The following OXNAD1 variants were observed in gnomAD, a reference collection of about 807,000 sequenced individuals.
OXNAD1 encodes oxidoreductase NAD binding domain containing 1.
Under a neutral mutation model 32.9 loss-of-function variants are expected in OXNAD1, and 34 were observed. The observed-to-expected ratio is 1.03, with a 90% CI of 0.79 to 1.38. The LOEUF (loss-of-function observed/expected upper bound fraction) is 1.38, where lower values mean the gene tolerates loss of function less well. OXNAD1 is among the 40% of genes most tolerant of loss of function. OXNAD1 has a pLI of 0.00. For missense variants in OXNAD1, 407 were observed against 379.4 expected, an observed-to-expected ratio of 1.07 and a Z score of -0.60; for synonymous variants, 134 against 135.2, an observed-to-expected ratio of 0.99 and a Z score of 0.06.
rs934851961 is a variant in OXNAD1, at chr3:16,316,596, C to T, written c.*30+13004C>T. ...GCCATGAGGGCTAGAATAACCTGAC[C>T]TCTTGCATTCTAACACTGGGTCATT... On this transcript the variant is annotated intron_variant, in intron 9 of 9. Coordinates refer to the OXNAD1 transcript ENST00000435829. This position sits in a 1 kb window ranked among gnomAD's most constrained non-coding sequence, Gnocchi z 4.5. 4 of 599,392 alleles carry T rather than the reference C, an allele frequency of 6.7e-6. No homozygotes were observed. The Admixed American group carries it at 9.0e-5, about 13-fold the overall frequency. The allele number at this position is 599,392 out of a possible 1,614,324, so 37.1% of individuals were successfully genotyped here. A position where few individuals can be genotyped will look rare whatever the true frequency, so the allele number is the denominator to read the frequency against.
downstream of OXNAD1, among the ~76,000 whole-genome samples, chr3:16,310,589 ATATCTC>A (rs1257903236): frequency 6.6e-6 from 1 of 152,178 alleles, no homozygotes; most frequent in East Asian, 1.9e-4. Flanking sequence ...GGATGAATGA[ATATCTC>A]TACTCTTTCT....
At chr3:16,319,682 C>T (rs1266789641) in intron 9 of OXNAD1, among the ~76,000 whole-genome samples, 1 of 152,210 alleles carries the variant, frequency 6.6e-6, no homozygotes, top group South Asian at 2.1e-4. Flanking sequence ...TAGAAGATCA[C>T]ATCTTGTTGA....
chr3:16,318,835 C>T (rs566062598), intron 9 of OXNAD1, among the ~76,000 whole-genome samples: 1 of 152,340 alleles, frequency 6.6e-6, no homozygotes, highest in Admixed American at 6.5e-5. Context: ...TGACAGACTT[C>T]CCTTAGGAGA....
chr3:16,348,497 G>A lies in OXNAD1; in HGVS notation c.*31-679G>A, dbSNP rs1390375174. ...CTTGACTTGCCAATACCCAGCTGGA[G>A]CCCACTGTGTCCAGGAGGCCTTGTT... is the stretch of plus-strand genomic sequence containing the variant. On this transcript the variant is annotated intron_variant, in intron 9 of 9. Transcript: ENST00000606098. This position sits in a 1 kb window ranked among gnomAD's most constrained non-coding sequence, Gnocchi z 6.3. Among the ~76,000 whole-genome samples the A allele has an allele frequency of 6.6e-6, 1 of 152,122 alleles. No individual in the cohort carries two copies. The highest frequency in any genetic ancestry group is 1.5e-5 in the Non-Finnish European group (1 of 68,032).
chr3:16,297,282 T>G lies in OXNAD1; in HGVS notation c.432+2285T>G, dbSNP rs2066865455. 6.6e-6 allele frequency among the ~76,000 whole-genome samples: 1 copy of G among 152,310 alleles called. No individual in the cohort carries two copies. Among genetic ancestry groups the G allele is most frequent in the Non-Finnish European group, 1.5e-5 (1 of 68,026 alleles). On this transcript the variant is annotated intron_variant, in intron 6 of 8. Coordinates refer to ENST00000285083, the MANE Select transcript of OXNAD1 (RefSeq NM_138381.5). The surrounding 1 kb of genome is among the most constrained non-coding windows in gnomAD (Gnocchi z 4.3). ...GAGGGAAATGTAAATTAAAACCATA[T>G]GTGGTGGGATGCCACTACGATCTAG...
chr3:16,292,431 G>A (rs2066495864), intron 5 of OXNAD1, among the ~76,000 whole-genome samples: 1 of 152,084 alleles, frequency 6.6e-6, no homozygotes, highest in Admixed American at 6.6e-5. Flanking sequence ...GACCTCAGGT[G>A]ATCCACCCAC....
In OXNAD1 at chr3:16,330,056, C is replaced by T. The variant is rs191804558; in HGVS notation, c.*31-7056C>T. Among the ~76,000 whole-genome samples the T allele has an allele frequency of 4.6e-5, 7 of 152,328 alleles. No individual in the cohort carries two copies. In the East Asian group the frequency reaches 9.7e-4, roughly 21 times the overall value. On this transcript the variant is annotated intron_variant, in intron 9 of 9. Transcript: ENST00000435829. Reference sequence around the variant, plus strand: ...AAAAATCAGCAGGATTTCTCCCAAACATTTTTTCCCCCTCAGGGTAGGAGA... The same window carrying T: ...AAAAATCAGCAGGATTTCTCCCAAATATTTTTTCCCCCTCAGGGTAGGAGA...
At position 16,335,776 on chromosome 3, in the gene OXNAD1, TAAAAAAAA is replaced by T. The variant is rs540104859; in HGVS notation, c.*31-1324_*31-1317del. On this transcript the variant is annotated intron_variant, in intron 9 of 9. Transcript: ENST00000435829. This position sits in a 1 kb window ranked among gnomAD's most constrained non-coding sequence, Gnocchi z 4.7. ...ATCCTGCACTTGCACCCTGGAACTT[TAAAAAAAA>T]AAAAAAAAAAAGGAGTTTGATCACA... 7.3e-6 allele frequency among the ~76,000 whole-genome samples: 1 copy of T among 136,646 alleles called. No homozygotes were observed. The highest frequency in any genetic ancestry group is 1.6e-5 in the Non-Finnish European group (1 of 62,552). 89.6% of individuals were successfully genotyped at this position (136,646 alleles called of 152,430 possible).
intron 9 of OXNAD1, among the ~76,000 whole-genome samples, chr3:16,330,345 T>C (rs2070187489): frequency 6.6e-6 from 1 of 152,250 alleles, no homozygotes; most frequent in African/African-American, 2.4e-5. Context: ...CGTTTGCATA[T>C]TTATCAATAT....
downstream of OXNAD1, among the ~76,000 whole-genome samples, chr3:16,306,586 A>G (rs2067578422): frequency 6.6e-6 from 1 of 152,286 alleles, no homozygotes; most frequent in East Asian, 1.9e-4. Context: ...CACCCCCTAC[A>G]CATATACATG....
rs1204729709 is a variant in OXNAD1 at position 16,303,731 on chromosome 3, T to C, written c.*169T>C. 2.9e-6 allele frequency: 2 copies of C among 691,760 alleles called. No homozygotes were observed. The highest frequency in any genetic ancestry group is 4.4e-6 in the Non-Finnish European group (2 of 453,930). 42.9% of individuals were successfully genotyped at this position (691,760 alleles called of 1,614,324 possible). A position where few individuals can be genotyped will look rare whatever the true frequency, so the allele number is the denominator to read the frequency against. Reference sequence around the variant, plus strand: ...AAAGCCAGCTGGCAGACTTAAATGATAAACTTTTTGCAAAGACCTCAGTGA... The same window carrying C: ...AAAGCCAGCTGGCAGACTTAAATGACAAACTTTTTGCAAAGACCTCAGTGA... On this transcript the variant is annotated 3_prime_UTR_variant, in exon 9 of 9. Coordinates refer to ENST00000285083, the MANE Select transcript of OXNAD1 (RefSeq NM_138381.5). This position sits in a 1 kb window ranked among gnomAD's most constrained non-coding sequence, Gnocchi z 4.8.
chr3:16,286,734 G>A (rs1457946825), intron 5 of OXNAD1, among the ~76,000 whole-genome samples: 2 of 152,178 alleles, frequency 1.3e-5, no homozygotes, highest in Non-Finnish European at 2.9e-5. Context: ...GGAACTGACA[G>A]CTCTGATAAT....
rs1383849508 is a variant in OXNAD1, at chr3:16,265,689, G to A, written c.-159+184G>A. 1 of 165,582 alleles carries A rather than the reference G, an allele frequency of 6.0e-6. No individual in the cohort carries two copies. The highest frequency in any genetic ancestry group is 1.2e-5 in the Non-Finnish European group (1 of 80,252). 10.3% of individuals were successfully genotyped at this position (165,582 alleles called of 1,614,324 possible). A position where few individuals can be genotyped will look rare whatever the true frequency, so the allele number is the denominator to read the frequency against. ...TCACCTTTTATTATTGGGAAGTTAT[G>A]TGCCAGCTATTGCACTAAGTGGAAT... On this transcript the variant is annotated intron_variant, in intron 1 of 8. Transcript: ENST00000285083. This position sits in a 1 kb window ranked among gnomAD's most constrained non-coding sequence, Gnocchi z 4.8.
At chr3:16,330,151 T>TGA (rs1202497938) in intron 9 of OXNAD1, among the ~76,000 whole-genome samples, 2 of 152,170 alleles carry the variant, frequency 1.3e-5, no homozygotes, top group East Asian at 3.8e-4. Context: ...CAACCCTGCT[T>TGA]GAGAGAGCTG....
In OXNAD1 at chr3:16,328,293, A is replaced by C. The variant is rs1261672530; in HGVS notation, c.*31-8819A>C. Among the ~76,000 whole-genome samples the C allele has an allele frequency of 5.9e-5, 9 of 152,236 alleles. 1 individual carries two copies. The highest frequency in any genetic ancestry group is 5.9e-4 in the Admixed American group (9 of 15,280). ...GAGTGCCAAGGTCTGTGGTCGGCTT[A>C]ACTCAGAGGCAGCGCGCGTGACCAT... is the stretch of plus-strand genomic sequence containing the variant. On this transcript the variant is annotated intron_variant, in intron 9 of 9. Transcript: ENST00000435829.
At chr3:16,318,168 C>T (rs927345393) in intron 9 of OXNAD1, among the ~76,000 whole-genome samples, 6 of 151,956 alleles carry the variant, frequency 3.9e-5, no homozygotes, top group African/African-American at 1.2e-4. Flanking sequence ...CACCCGAGAG[C>T]GAGCCCCAGC....
chr3:16,307,265 G>C (rs1322403907), downstream of OXNAD1, among the ~76,000 whole-genome samples: 1 of 152,148 alleles, frequency 6.6e-6, no homozygotes, highest in African/African-American at 2.4e-5. Flanking sequence ...TTGATGTTCA[G>C]CTTGTTTTAG....
chr3:16,316,165 A>ATACTAACACAGAATACTTCC lies in OXNAD1; in HGVS notation c.*30+12575_*30+12594dup, dbSNP rs2068370952. On this transcript the variant is annotated intron_variant, in intron 9 of 9. Transcript: ENST00000435829. This position sits in a 1 kb window ranked among gnomAD's most constrained non-coding sequence, Gnocchi z 4.5. ...CTTTAAAAACAACTTTTTGGCATTAATACTAACACAGAATACTTCCTTGAA... is the reference window on the plus strand; with the variant it reads ...CTTTAAAAACAACTTTTTGGCATTAATACTAACACAGAATACTTCCTACTAACACAGAATACTTCCTTGAA... 6.5e-6 allele frequency: 1 copy of ATACTAACACAGAATACTTCC among 153,344 alleles called. No individual in the cohort carries two copies. Among genetic ancestry groups the ATACTAACACAGAATACTTCC allele is most frequent in the East Asian group, 1.9e-4 (1 of 5,206 alleles). The allele number at this position is 153,344 out of a possible 1,614,324, so 9.5% of individuals were successfully genotyped here. A position where few individuals can be genotyped will look rare whatever the true frequency, so the allele number is the denominator to read the frequency against.
At chr3:16,323,400 C>T in intron 9 of OXNAD1, 1 of 1,611,106 alleles carries the variant, frequency 6.2e-7, no homozygotes, top group Non-Finnish European at 8.5e-7. Flanking sequence ...TCTTGATTTT[C>T]TGAGGTAGAC....
Sources: allele counts gnomAD v4.1 joint callset (sites outside exome capture counted in the v4.1 genomes callset), GRCh38; gene constraint gnomAD v4.1.1; non-coding constraint Gnocchi (gnomAD v3.1); transcripts MANE v1.5; gene names NCBI Gene and HGNC (gene_info 2026-07-23, HGNC 2026-07-21).